The following NRG1 variants were observed in gnomAD, a reference collection of about 807,000 sequenced individuals.
NRG1 encodes the protein pro-neuregulin-1, membrane-bound isoform.
In NRG1, 18 loss-of-function variants were observed where a neutral mutation model predicts 63.8. The observed-to-expected ratio is 0.28, with a 90% CI of 0.19 to 0.42. The LOEUF (loss-of-function observed/expected upper bound fraction) is 0.42. Among genes scored for constraint, NRG1 ranks in the 10% least tolerant of loss-of-function variants. The pLI, the probability that NRG1 is intolerant of heterozygous loss-of-function variation, is 1.00. For synonymous variants in NRG1, 302 were observed against 301.3 expected, an observed-to-expected ratio of 1.00 and a Z score of -0.02; for missense variants, 762 against 814.7, an observed-to-expected ratio of 0.94 and a Z score of 0.79.
chr8:32,667,821 C>T (rs955099675), intron 5 of NRG1, among the ~76,000 whole-genome samples: 3 of 152,064 alleles, frequency 2.0e-5, no homozygotes, highest in Non-Finnish European at 4.4e-5. Flanking sequence ...AATGCAGTTG[C>T]CTCTTTGAAT....
chr8:32,175,348 A>G (rs1487700362), intron 1 of NRG1, among the ~76,000 whole-genome samples: 3 of 152,198 alleles, frequency 2.0e-5, no homozygotes, highest in Admixed American at 1.3e-4. Context: ...AATAAGAACT[A>G]TCTATGACAA....
intron 5 of NRG1, among the ~76,000 whole-genome samples, chr8:32,680,446 T>C (rs1224874900): frequency 1.3e-5 from 2 of 152,180 alleles, no homozygotes; most frequent in South Asian, 2.1e-4. Context: ...ATTGATTCTG[T>C]ATGCAACTTA....
intron 1 of NRG1, among the ~76,000 whole-genome samples, chr8:32,213,628 T>A (rs111718151): frequency 0.068 from 10,208 of 151,190 alleles, 648 homozygotes; most frequent in African/African-American, 0.17. Flanking sequence ...TAAAAAAATT[T>A]AAAAAAAAAG....
chr8:32,751,060 C>T (rs1828630710), intron 7 of NRG1: 1 of 152,152 alleles, frequency 6.6e-6, no homozygotes, highest in South Asian at 2.1e-4. Context: ...CTGTCCCCAA[C>T]AGTAAAGTGA....
intron 1 of NRG1, among the ~76,000 whole-genome samples, chr8:31,752,817 A>T (rs1435301942): frequency 6.6e-6 from 1 of 152,026 alleles, no homozygotes; most frequent in Non-Finnish European, 1.5e-5. Context: ...TGTTTATAAG[A>T]TTCTTATGAG....
intron 1 of NRG1, among the ~76,000 whole-genome samples, chr8:32,559,989 G>C (rs10100620): frequency 0.59 from 90,146 of 151,932 alleles, 27,250 homozygotes; most frequent in East Asian, 0.85. Flanking sequence ...CACACTCCAG[G>C]CTGGGTGACA....
chr8:32,091,690 A>T (rs1220681850), intron 1 of NRG1, among the ~76,000 whole-genome samples: 2 of 152,092 alleles, frequency 1.3e-5, no homozygotes, highest in African/African-American at 4.8e-5. Flanking sequence ...GAGAGGATTG[A>T]CCAACTGATA....
rs117468824 is a variant in NRG1 at position 32,662,238 on chromosome 8, G to A, written c.502+45353G>A. Among the ~76,000 whole-genome samples the A allele has an allele frequency of 8.3e-3, 1,263 of 152,178 alleles. 7 individuals are homozygous for A. The highest frequency in any genetic ancestry group is 0.024 in the Middle Eastern group (7 of 294). ...TTGAAAAAGTAACAGCTGATGAAAG[G>A]CTTGAATGAATTAATGGAGTTAACC... is the stretch of plus-strand genomic sequence containing the variant. On this transcript the variant is annotated intron_variant, in intron 5 of 11. Transcript: ENST00000356819.
chr8:32,403,245 A>C (rs1813466307), intron 1 of NRG1, among the ~76,000 whole-genome samples: 1 of 146,506 alleles, frequency 6.8e-6, no homozygotes, highest in South Asian at 2.2e-4. Flanking sequence ...AGTTGCAGTG[A>C]GCCGAGATCA....
In NRG1 at chr8:31,888,750, A is replaced by AG. The variant is rs559426179; in HGVS notation, c.37+249322dup. On this transcript the variant is annotated intron_variant, in intron 1 of 10. Coordinates refer to the NRG1 transcript ENST00000519301. ...TTGAATCAAAGTTATTAGATGCCCT[A>AG]GGGTCTTTTCATGGCAGATTTTATA... Among the ~76,000 whole-genome samples the AG allele has an allele frequency of 9.1e-3, 1,380 of 152,212 alleles. 21 individuals are homozygous for AG. The highest frequency in any genetic ancestry group is 0.031 in the African/African-American group (1,305 of 41,526).
At chr8:31,691,797 A>G (rs191556745) in intron 1 of NRG1, among the ~76,000 whole-genome samples, 12 of 152,070 alleles carry the variant, frequency 7.9e-5, no homozygotes, top group Non-Finnish European at 1.6e-4. Context: ...CTCTACAGAG[A>G]TGAATCTAGT....
At chr8:32,527,404 C>A (rs1830971895) in intron 1 of NRG1, among the ~76,000 whole-genome samples, 1 of 152,046 alleles carries the variant, frequency 6.6e-6, no homozygotes. Context: ...AGTGAGATAA[C>A]CCAGAAACAG....
chr8:32,446,577 C>T (rs573858213), intron 1 of NRG1, among the ~76,000 whole-genome samples: 17 of 152,094 alleles, frequency 1.1e-4, no homozygotes, highest in African/African-American at 3.4e-4. Context: ...ATTGCTTGAA[C>T]CAGAGAAGTG....
intron 1 of NRG1, among the ~76,000 whole-genome samples, chr8:31,710,430 C>A (rs761481604): frequency 6.6e-6 from 1 of 151,828 alleles, no homozygotes; most frequent in Non-Finnish European, 1.5e-5. Flanking sequence ...ATCCATAACA[C>A]ATTAATGATG....
At chr8:32,665,692 C>T (rs1329576857) in intron 5 of NRG1, among the ~76,000 whole-genome samples, 35 of 152,076 alleles carry the variant, frequency 2.3e-4, no homozygotes, top group Non-Finnish European at 5.1e-4. Flanking sequence ...GTACAATTTC[C>T]ACTTGTGCTG....
chr8:32,413,810 A>G (rs1314095115), intron 1 of NRG1, among the ~76,000 whole-genome samples: 3 of 152,172 alleles, frequency 2.0e-5, no homozygotes, highest in African/African-American at 7.2e-5. Context: ...ATTTCTTATT[A>G]ATCAGAACAT....
chr8:32,348,448 C>T (rs1194237299), intron 1 of NRG1, among the ~76,000 whole-genome samples: 1 of 152,152 alleles, frequency 6.6e-6, no homozygotes, highest in East Asian at 1.9e-4. Flanking sequence ...AAGCTAAAGC[C>T]ATATTTTTCA....
chr8:32,763,434 C>A, intron 11 of NRG1: 1 of 1,484,434 alleles, frequency 6.7e-7, no homozygotes, highest in South Asian at 1.3e-5. Context: ...GAGAGGTTTC[C>A]AGGACCTAAT....
At chr8:32,126,555 C>T (rs1049770226) in intron 1 of NRG1, among the ~76,000 whole-genome samples, 1 of 151,832 alleles carries the variant, frequency 6.6e-6, no homozygotes, top group East Asian at 2.0e-4. Flanking sequence ...AAGCTCTTCC[C>T]CAGGGATGCC....
Sources: gnomAD v4.1 joint callset for allele counts (sites outside exome capture counted in the v4.1 genomes callset) on GRCh38, gnomAD v4.1.1 for gene constraint, MANE v1.5 for transcripts, NCBI Gene and HGNC (gene_info 2026-07-23, HGNC 2026-07-21) for gene names.